The following SUPT5H variants were observed in gnomAD, a reference collection of about 807,000 sequenced individuals.
The protein encoded by SUPT5H is transcription elongation factor SPT5.
A neutral mutation model predicts 142.5 loss-of-function variants in SUPT5H; 24 were observed. The ratio of observed to expected loss-of-function variants is 0.17; its 90% confidence interval spans 0.12 to 0.24. The LOEUF (loss-of-function observed/expected upper bound fraction) is 0.24. Ranked by LOEUF, SUPT5H falls within the 10% of genes least tolerant of loss-of-function variation. The probability of loss-of-function intolerance (pLI) is 1.00; values close to 1 mark genes in which losing one functional copy is unlikely to be tolerated. For missense variants in SUPT5H, 893 were observed against 1,471.8 expected (o/e 0.61, Z 6.43); for synonymous variants, 546 against 553.0 (o/e 0.99, Z 0.18).
Position 39,474,451 on chromosome 19 carries a change from TG to T in SUPT5H, c.2820+52del. 6.2e-7 allele frequency: 1 copy of T among 1,610,132 alleles called. No individual in the cohort carries two copies. The highest frequency in any genetic ancestry group is 8.5e-7 in the Non-Finnish European group (1 of 1,177,152). On this transcript the variant is annotated intron_variant, in intron 27 of 29. Coordinates refer to ENST00000432763, the MANE Select transcript of SUPT5H (RefSeq NM_001111020.3). The surrounding 1 kb of genome is among the most constrained non-coding windows in gnomAD (Gnocchi z 6.5). ...GAAGGGTGGTGGGCTAGGGTGACTT[TG>T]GGCATATAGGGTCGGCCAGGCCAGA...
In SUPT5H at chr19:39,459,268, TGGG is replaced by T; in HGVS notation, c.524+22_524+24del. ...GAGTCAAGTAAGGGGGTTGGGATGG[TGGG>T]GGCCGTGCTGGGGTGCGAATCTTGT... On this transcript the variant is annotated intron_variant, in intron 8 of 29. Transcript: ENST00000432763. 1 of 1,498,372 alleles carries T rather than the reference TGGG, an allele frequency of 6.7e-7. No individual in the cohort carries two copies. Among genetic ancestry groups the T allele is most frequent in the South Asian group, 1.2e-5 (1 of 83,698 alleles). 92.8% of individuals were successfully genotyped at this position (1,498,372 alleles called of 1,614,324 possible). A position where few individuals can be genotyped will look rare whatever the true frequency, so the allele number is the denominator to read the frequency against.
rs1657482343 is a variant in SUPT5H at position 39,473,168 on chromosome 19, G to A, written c.2259-35G>A. The A allele has an allele frequency of 6.2e-7, 1 of 1,610,764 alleles. No homozygotes were observed. The stretch of plus-strand genomic sequence containing the variant: ...GTGGGGCTTGCTAGGCAGTGAGAGG[G>A]GTCTGCTCACCCCATTTGTTCTCTG... On this transcript the variant is annotated intron_variant, in intron 23 of 29. Transcript: ENST00000432763. The surrounding 1 kb of genome is among the most constrained non-coding windows in gnomAD (Gnocchi z 5.8).
Position 39,473,290 on chromosome 19 carries a change from C to T in SUPT5H, c.2346C>T (p.Ser782=). ...AGACGCCCATGTATGGCTCTGGCTC[C>T]CGAACACCCATGTACGGCTCACAGA... ...GSQTPMYGSG[S]RTPMYGSQTP... Residue 782 remains serine, a synonymous_variant, in exon 24 of 30, where the codon TCC becomes TCT. Coordinates refer to ENST00000432763, the MANE Select transcript of SUPT5H (RefSeq NM_001111020.3). The surrounding 1 kb of genome is among the most constrained non-coding windows in gnomAD (Gnocchi z 5.8). The T allele has an allele frequency of 1.9e-6, 3 of 1,613,934 alleles. No individual in the cohort carries two copies. Among genetic ancestry groups the T allele is most frequent in the Non-Finnish European group, 2.5e-6 (3 of 1,179,982 alleles).
chr19:39,465,425 C>G (rs1177462536), intron 11 of SUPT5H, among the ~76,000 whole-genome samples: 1 of 152,088 alleles, frequency 6.6e-6, no homozygotes, highest in Non-Finnish European at 1.5e-5. Flanking sequence ...TGTTTACTGG[C>G]GTAGGATGGG....
chr19:39,458,549 G>A lies in SUPT5H; in HGVS notation c.319+244G>A. 1 of 793,428 alleles carries A rather than the reference G, an allele frequency of 1.3e-6. No individual in the cohort carries two copies. Among genetic ancestry groups the A allele is most frequent in the Non-Finnish European group, 2.0e-6 (1 of 500,884 alleles). The allele number at this position is 793,428 out of a possible 1,614,324, so 49.1% of individuals were successfully genotyped here. A position where few individuals can be genotyped will look rare whatever the true frequency, so the allele number is the denominator to read the frequency against. ...TTTGTGGGTGGTAGCGATGTGTGGGGTGGGGTGCAGTCCAGGGTGTGCCTG... is the reference window on the plus strand; with the variant it reads ...TTTGTGGGTGGTAGCGATGTGTGGGATGGGGTGCAGTCCAGGGTGTGCCTG... On this transcript the variant is annotated intron_variant, in intron 5 of 29. Transcript: ENST00000432763. The surrounding 1 kb of genome is among the most constrained non-coding windows in gnomAD (Gnocchi z 4.2).
intron 2 of SUPT5H, among the ~76,000 whole-genome samples, chr19:39,450,643 A>G (rs1401591047): frequency 6.6e-6 from 1 of 152,244 alleles, no homozygotes; most frequent in Non-Finnish European, 1.5e-5. Flanking sequence ...GGTCAGGTTC[A>G]TGTTTTAGAT....
chr19:39,468,988 A>T (rs2079280774), intron 14 of SUPT5H, 91 bp from the exon 15 acceptor site: 2 of 1,567,728 alleles, frequency 1.3e-6, no homozygotes, highest in East Asian at 4.5e-5. Flanking sequence ...TAGGAGAATT[A>T]TTCCCCTAGG....
chr19:39,451,305 C>T (rs1474400989), intron 2 of SUPT5H, among the ~76,000 whole-genome samples: 1 of 150,192 alleles, frequency 6.7e-6, no homozygotes, highest in Non-Finnish European at 1.5e-5. Flanking sequence ...CCTCCTGCCT[C>T]AGCCTCCCAA....
At chr19:39,460,598 C>T (rs1038102126) in intron 10 of SUPT5H, among the ~76,000 whole-genome samples, 5 of 152,176 alleles carry the variant, frequency 3.3e-5, no homozygotes, top group East Asian at 3.9e-4. Context: ...CTCAGCTGGG[C>T]GTGGTGGTGC....
At chr19:39,460,113 G>A (rs2079142546) in intron 10 of SUPT5H, 153 bp downstream of exon 10, 2 of 715,874 alleles carry the variant, frequency 2.8e-6, no homozygotes, top group African/African-American at 1.7e-5. Flanking sequence ...CTGCCTAGAT[G>A]GAAGGGCTCT....
Position 39,466,469 on chromosome 19 carries a change from G to T in SUPT5H, c.877-11G>T, listed in dbSNP as rs375005502. On this transcript the variant is annotated splice_polypyrimidine_tract_variant and intron_variant, in intron 11 of 29. Transcript: ENST00000432763. This position sits in a 1 kb window ranked among gnomAD's most constrained non-coding sequence, Gnocchi z 4.3. ...GTGGGGCCCTGCTGACCTTCTGCTC[G>T]CCCTGCTCAGGTGGACTACGTGGAG... The T allele has an allele frequency of 8.7e-6, 14 of 1,613,202 alleles. No homozygotes were observed. The highest frequency in any genetic ancestry group is 1.2e-5 in the Non-Finnish European group (14 of 1,179,872).
chr19:39,472,793 T>G lies in SUPT5H; in HGVS notation c.2036-17T>G, dbSNP rs1568432785. The G allele has an allele frequency of 1.9e-6, 3 of 1,607,150 alleles. No homozygotes were observed. ...GCACAGCCGTGGGGGACCAGTGACATTCTCCCCAATCCCCAGGTCAGCGTG... is the reference window on the plus strand; with the variant it reads ...GCACAGCCGTGGGGGACCAGTGACAGTCTCCCCAATCCCCAGGTCAGCGTG... On this transcript the variant is annotated splice_polypyrimidine_tract_variant and intron_variant, in intron 21 of 29. Coordinates refer to ENST00000432763, the MANE Select transcript of SUPT5H (RefSeq NM_001111020.3). The surrounding 1 kb of genome is among the most constrained non-coding windows in gnomAD (Gnocchi z 4.2).
chr19:39,456,435 T>C (rs2146088495), intron 3 of SUPT5H, among the ~76,000 whole-genome samples: 1 of 151,084 alleles, frequency 6.6e-6, no homozygotes, highest in African/African-American at 2.4e-5. Context: ...GTTGTTGTTT[T>C]TGAGACGGAG....
At chr19:39,471,107 T>A (rs1274464699) in intron 18 of SUPT5H, among the ~76,000 whole-genome samples, 1 of 152,152 alleles carries the variant, frequency 6.6e-6, no homozygotes, top group African/African-American at 2.4e-5. Flanking sequence ...ATCTCTCAGG[T>A]CCCTGTTGCC....
Position 39,476,066 on chromosome 19 carries a change from G to A in SUPT5H, c.3025-15G>A. ...GGGAGCAGGACAGGCTGACCAGGCT[G>A]TCCCCATCCTCCAGGGGGGCATGTG... On this transcript the variant is annotated splice_polypyrimidine_tract_variant and intron_variant, in intron 28 of 29. Coordinates refer to ENST00000432763, the MANE Select transcript of SUPT5H (RefSeq NM_001111020.3). 1.2e-6 allele frequency: 2 copies of A among 1,613,016 alleles called. No homozygotes were observed. The highest frequency in any genetic ancestry group is 1.1e-5 in the South Asian group (1 of 91,050).
chr19:39,466,689 C>T lies in SUPT5H; in HGVS notation c.981C>T (p.Ala327=), dbSNP rs371289168. ...KARMSLKDWF[A]KRKKFKRPPQ... ...TTCCTCCATAGAAAGACTGGTTTGC[C>T]AAAAGGAAGAAGTTTAAGCGGCCTC... Residue 327 remains alanine (A), a synonymous_variant, in exon 13 of 30, where the codon GCC becomes GCT. Coordinates refer to ENST00000432763, the MANE Select transcript of SUPT5H (RefSeq NM_001111020.3). The surrounding 1 kb of genome is among the most constrained non-coding windows in gnomAD (Gnocchi z 4.3). 3.7e-6 allele frequency: 6 copies of T among 1,614,064 alleles called. No individual in the cohort carries two copies. The African/African-American group carries it at 4.0e-5, about 11-fold the overall frequency.
intron 10 of SUPT5H, among the ~76,000 whole-genome samples, chr19:39,461,779 G>A (rs544206595): frequency 2.7e-5 from 4 of 148,890 alleles, no homozygotes; most frequent in Admixed American, 6.7e-5. Context: ...AGCCAAGCTC[G>A]TGCCACTGCA....
chr19:39,476,110 C>T lies in SUPT5H; in HGVS notation c.3054C>T (p.Asp1018=). 1 of 1,614,100 alleles carries T rather than the reference C, an allele frequency of 6.2e-7. No individual in the cohort carries two copies. The highest frequency in any genetic ancestry group is 8.5e-7 in the Non-Finnish European group (1 of 1,180,014). Residue 1018 remains aspartate, a synonymous_variant, in exon 29 of 30, where the codon GAC becomes GAT. Coordinates refer to ENST00000432763, the MANE Select transcript of SUPT5H (RefSeq NM_001111020.3). ...GCATGTGCTCTGTGTACCTGAAGGA[C>T]AGTGAGAAGGTTGTCAGCATTTCCA... ...TGGMCSVYLK[D]SEKVVSISSE...
chr19:39,453,357 T>C lies in SUPT5H; in HGVS notation c.77T>C (p.Val26Ala), dbSNP rs2076076256. Residue 26 changes from valine (V) to alanine (A), a missense_variant and splice_region_variant, in exon 3 of 30, where the codon GTA becomes GCA. Transcript: ENST00000432763. ...TACAACCCTGCCTGACCCCTGTAGG[T>C]AGACGAAGAGCGGCGGAGTGCAGCG... is the stretch of plus-strand genomic sequence containing the variant. ...ERSSDGEEAE[V>A]DEERRSAAGS... 7 of 1,601,564 alleles carry C rather than the reference T, an allele frequency of 4.4e-6. No individual in the cohort carries two copies. In the South Asian group the frequency reaches 4.5e-5, roughly 10 times the overall value.
Sources: allele counts gnomAD v4.1 joint callset (sites outside exome capture counted in the v4.1 genomes callset), GRCh38; gene constraint gnomAD v4.1.1; non-coding constraint Gnocchi (gnomAD v3.1); transcripts MANE v1.5; gene names NCBI Gene and HGNC (gene_info 2026-07-23, HGNC 2026-07-21).